ACP7: variants seen among roughly 807,000 people sequenced by gnomAD.
ACP7 encodes acid phosphatase type 7.
In ACP7, 58 loss-of-function variants were observed where a neutral mutation model predicts 60.6. The observed-to-expected ratio is 0.96, with a 90% confidence interval of 0.77 to 1.19. ACP7 has a LOEUF of 1.19. Among genes scored for constraint, ACP7 ranks in the 50% most tolerant of loss-of-function variants. The pLI is 0.00. For synonymous variants in ACP7, 237 were observed against 232.6 expected (o/e 1.02, Z -0.17); for missense variants, 574 against 596.2 (o/e 0.96, Z 0.39).
chr19:39,101,031 A>T lies in ACP7; in HGVS notation c.890A>T (p.Asp297Val). Residue 297 changes from aspartate (D) to valine (V), a missense_variant, in exon 8 of 13, where the codon GAC becomes GTC. Asp to Val is a radical substitution (Grantham distance 152). Coordinates refer to ENST00000331256, the MANE Select transcript of ACP7 (RefSeq NM_001004318.3). ...RPMYCSNADL[D>V]DCTRHESKVR... is the part of the protein sequence containing the mutation. ...ATGTACTGCTCCAACGCAGATCTGG[A>T]CGACTGCACACGACATGAAAGCAAG... 1.2e-6 allele frequency: 2 copies of T among 1,613,980 alleles called. No homozygotes were observed. The highest frequency in any genetic ancestry group is 2.2e-5 in the South Asian group (2 of 91,086).
chr19:39,092,665 G>A (rs530833632), intron 2 of ACP7, among the ~76,000 whole-genome samples: 2 of 151,904 alleles, frequency 1.3e-5, no homozygotes, highest in Admixed American at 6.6e-5. Context: ...GGGTGTGTGA[G>A]GGAAATGTGA....
At chr19:39,108,139 A>ATTT (rs35561896) in intron 12 of ACP7, among the ~76,000 whole-genome samples, 7 of 135,060 alleles carry the variant, frequency 5.2e-5, no homozygotes, top group Admixed American at 2.3e-4. Context: ...CACTCATCTA[A>ATTT]TTTTTTTTTT....
intron 11 of ACP7, among the ~76,000 whole-genome samples, chr19:39,104,468 C>T (rs1340207080): frequency 6.6e-6 from 1 of 152,172 alleles, no homozygotes; most frequent in African/African-American, 2.4e-5. Context: ...AGCTGCCACA[C>T]GGAGCATGAA....
rs534109544 is a variant in ACP7, at chr19:39,098,587, G to A, written c.251G>A (p.Gly84Glu). 6.2e-7 allele frequency: 1 copy of A among 1,613,756 alleles called. No individual in the cohort carries two copies. Among genetic ancestry groups the A allele is most frequent in the East Asian group, 2.2e-5 (1 of 44,866 alleles). Residue 84 changes from glycine (G) to glutamate (E), a missense_variant, in exon 3 of 13, where the codon GGG becomes GAG. By Grantham distance (98) the Gly-to-Glu change is moderately conservative. Coordinates refer to ENST00000331256, the MANE Select transcript of ACP7 (RefSeq NM_001004318.3). ...GGCACCTTCGTCCCCTTTGTGGACG[G>A]GGGCATTCTCCGGCGGAAGCTCTAC... ...AQGTFVPFVD[G>E]GILRRKLYIH...
In ACP7 at chr19:39,087,689, AATGGC is replaced by A. The variant is rs750433810; in HGVS notation, c.121+2303_121+2307del. ...CACTCTGTTGGCCAGGCTGTAGTGCAATGGCATGATCTTGGCTCACTGCAAGCTCC... is the reference window on the plus strand; with the variant it reads ...CACTCTGTTGGCCAGGCTGTAGTGCAATGATCTTGGCTCACTGCAAGCTCC... On this transcript the variant is annotated intron_variant, in intron 2 of 12. Transcript: ENST00000331256. Among the ~76,000 whole-genome samples the A allele has an allele frequency of 1.2e-4, 18 of 149,602 alleles. No individual in the cohort carries two copies. In the East Asian group the frequency reaches 1.8e-3, roughly 15 times the overall value.
chr19:39,102,325 A>G (rs1057302433), intron 11 of ACP7, among the ~76,000 whole-genome samples: 3 of 152,008 alleles, frequency 2.0e-5, no homozygotes, highest in Non-Finnish European at 4.4e-5. Flanking sequence ...TATCTAAACA[A>G]CAACAAAAAA....
In ACP7 at chr19:39,110,414, C is replaced by T. The variant is rs1018775909; in HGVS notation, c.*296C>T. 23 of 351,594 alleles carry T rather than the reference C, an allele frequency of 6.5e-5. No individual in the cohort carries two copies. The highest frequency in any genetic ancestry group is 4.2e-4 in the African/African-American group (20 of 47,764). The allele number at this position is 351,594 out of a possible 1,614,324, so 21.8% of individuals were successfully genotyped here. On this transcript the variant is annotated 3_prime_UTR_variant, in exon 13 of 13. Coordinates refer to ENST00000331256, the MANE Select transcript of ACP7 (RefSeq NM_001004318.3). Reference sequence around the variant, plus strand: ...TAGCTCTGATCGGGCGAGGTGCCCACGGGGCTTCAGGAATGAAGAGGCTTA... The same window carrying T: ...TAGCTCTGATCGGGCGAGGTGCCCATGGGGCTTCAGGAATGAAGAGGCTTA...
In ACP7 at chr19:39,107,444, C is replaced by T. The variant is rs542300479; in HGVS notation, c.1251+360C>T. Among the ~76,000 whole-genome samples, 13 of 151,346 alleles carry T rather than the reference C, an allele frequency of 8.6e-5. No homozygotes were observed. In the South Asian group the frequency reaches 2.3e-3, roughly 27 times the overall value. ...AAAAATACAAAAAAAATTAGCCAGGCGTGGTGGCAGGTGCCTATAGTCCCA... is the reference window on the plus strand; with the variant it reads ...AAAAATACAAAAAAAATTAGCCAGGTGTGGTGGCAGGTGCCTATAGTCCCA... On this transcript the variant is annotated intron_variant, in intron 12 of 12. Transcript: ENST00000331256.
chr19:39,098,403 C>A, intron 2 of ACP7, 55 bp from the exon 3 acceptor site: 1 of 1,316,702 alleles, frequency 7.6e-7, no homozygotes, highest in Admixed American at 2.3e-5. Flanking sequence ...CTGCATATCC[C>A]TCCCACCCTG....
chr19:39,098,911 G>A lies in ACP7; in HGVS notation c.323-49G>A, dbSNP rs201719179. ...TCGGGGAAGGATGGGGTTGGAGGGA[G>A]GGTCCCGGGGCGCCCCAGCTGACTG... On this transcript the variant is annotated intron_variant, in intron 3 of 12. Transcript: ENST00000331256. The A allele has an allele frequency of 2.5e-3, 2,529 of 1,026,348 alleles. 10 individuals carry two copies. The highest frequency in any genetic ancestry group is 0.018 in the Middle Eastern group (70 of 3,910). 63.6% of individuals were successfully genotyped at this position (1,026,348 alleles called of 1,614,324 possible).
upstream of ACP7, chr19:39,084,251 G>C (rs1001811824): frequency 1.2e-4 from 18 of 152,588 alleles, no homozygotes; most frequent in African/African-American, 3.8e-4. Context: ...GGCCCTGGCT[G>C]TCTAGGGAGG....
At chr19:39,099,788 T>C (rs1207131513) in intron 4 of ACP7, among the ~76,000 whole-genome samples, 2 of 150,808 alleles carry the variant, frequency 1.3e-5, no homozygotes, top group Non-Finnish European at 3.0e-5. Context: ...AGGTCAGGAG[T>C]TCGAGACCAG....
intron 11 of ACP7, 145 bp downstream of exon 11, chr19:39,101,682 G>A: frequency 2.3e-6 from 2 of 875,618 alleles, no homozygotes; most frequent in Non-Finnish European, 3.5e-6. Context: ...CTAGCGGTAT[G>A]TTCATTGGAC....
At position 39,100,640 on chromosome 19, in the gene ACP7, C is replaced by T; in HGVS notation, c.690C>T (p.Tyr230=). ...CGGGGGATAATGAGGGCCTGTGGTA[C>T]AGGTAATGTGGGGGTGCTGGGGGAC... ...SMPGDNEGLW[Y]SWDLGPAHII... Residue 230 remains tyrosine (Y), a splice_region_variant and synonymous_variant, in exon 6 of 13, where the codon TAC becomes TAT. Coordinates refer to ENST00000331256, the MANE Select transcript of ACP7 (RefSeq NM_001004318.3). 2 of 1,613,910 alleles carry T rather than the reference C, an allele frequency of 1.2e-6. No individual in the cohort carries two copies. The highest frequency in any genetic ancestry group is 1.7e-6 in the Non-Finnish European group (2 of 1,179,890).
intron 2 of ACP7, among the ~76,000 whole-genome samples, chr19:39,093,081 G>A (rs913838787): frequency 3.9e-5 from 4 of 103,666 alleles, no homozygotes; most frequent in African/African-American, 8.0e-5. Context: ...CCTGGCCCCC[G>A]TTTCTTTCTT....
rs1328062324 is a variant in ACP7, at chr19:39,099,029, A to C, written c.392A>C (p.His131Pro). 6.2e-7 allele frequency: 1 copy of C among 1,613,502 alleles called. No individual in the cohort carries two copies. The highest frequency in any genetic ancestry group is 1.1e-5 in the South Asian group (1 of 91,050). ...TTCAGGGCCCTCAAGAATGGGGCCCACTGGAGTCCCCGTCTGGCTGTGTTT... is the reference window on the plus strand; with the variant it reads ...TTCAGGGCCCTCAAGAATGGGGCCCCCTGGAGTCCCCGTCTGGCTGTGTTT... ...FRFRALKNGA[H>P]WSPRLAVFGD... Residue 131 changes from histidine (H) to proline (P), a missense_variant, in exon 4 of 13, where the codon CAC becomes CCC. Coordinates refer to ENST00000331256, the MANE Select transcript of ACP7 (RefSeq NM_001004318.3).
intron 11 of ACP7, among the ~76,000 whole-genome samples, chr19:39,103,112 A>G (rs1321140213): frequency 2.0e-4 from 30 of 152,248 alleles, no homozygotes; most frequent in Admixed American, 2.0e-3. Context: ...TGCTGGGATT[A>G]CAGACAAGAG....
At chr19:39,106,103 G>T (rs2073408392) in intron 11 of ACP7, among the ~76,000 whole-genome samples, 1 of 152,160 alleles carries the variant, frequency 6.6e-6, no homozygotes. Context: ...GGTGCAAAAT[G>T]GTGATTTTCC....
chr19:39,102,053 AAGGCTGTAGTGAGCTG>A (rs2073352377), intron 11 of ACP7, among the ~76,000 whole-genome samples: 1 of 150,998 alleles, frequency 6.6e-6, no homozygotes, highest in Non-Finnish European at 1.5e-5. Flanking sequence ...GCAGGAGGTC[AAGGCTGTAGTGAGCTG>A]AGATCTCACC....
Sources: gnomAD v4.1 joint callset for allele counts (sites outside exome capture counted in the v4.1 genomes callset) on GRCh38, gnomAD v4.1.1 for gene constraint, MANE v1.5 for transcripts, NCBI Gene and HGNC (gene_info 2026-07-23, HGNC 2026-07-21) for gene names.